PTPN14: variants seen among roughly 807,000 people sequenced by gnomAD.
PTPN14 encodes the protein protein tyrosine phosphatase non-receptor type 14.
A neutral mutation model predicts 126.8 loss-of-function variants in PTPN14; 53 were observed. That is an observed-to-expected ratio of 0.42 (90% CI 0.34 to 0.53). PTPN14 has a LOEUF of 0.53. PTPN14 is among the 20% of genes least tolerant of loss of function. The pLI, the probability that PTPN14 is intolerant of heterozygous loss-of-function variation, is 0.08. For missense variants in PTPN14, 1,257 were observed against 1,552.9 expected (o/e 0.81, Z 3.20); for synonymous variants, 630 against 599.3 (o/e 1.05, Z -0.75).
intron 1 of PTPN14, among the ~76,000 whole-genome samples, chr1:214,491,631 CCT>C (rs1166491259): frequency 2.0e-5 from 3 of 152,176 alleles, no homozygotes; most frequent in Non-Finnish European, 4.4e-5. Context: ...CTCACCTCCT[CCT>C]GTGATGCCAG....
At chr1:214,476,623 G>T (rs1300583442) in intron 1 of PTPN14, among the ~76,000 whole-genome samples, 1 of 152,158 alleles carries the variant, frequency 6.6e-6, no homozygotes, top group Admixed American at 6.5e-5. Flanking sequence ...TGAGCATCCA[G>T]CACTGAGCTT....
At chr1:214,502,315 A>G (rs1481687949) in intron 1 of PTPN14, among the ~76,000 whole-genome samples, 1 of 152,144 alleles carries the variant, frequency 6.6e-6, no homozygotes, top group Non-Finnish European at 1.5e-5. Context: ...CCTGAGATTA[A>G]CAGAGAGAGA....
rs1198526875 is a variant in PTPN14, at chr1:214,369,568, T to A, written c.3160A>T (p.Thr1054Ser). 1 of 1,614,172 alleles carries A rather than the reference T, an allele frequency of 6.2e-7. No individual in the cohort carries two copies. Among genetic ancestry groups the A allele is most frequent in the Admixed American group, 1.7e-5 (1 of 60,026 alleles). ...AAAAGGTGCTTGACCTTCAAGCCCG[T>A]GGTTGCATAGCAAACAGAATCCGTT... ...FRTDSVCYAT[T>S]GLKVKHLLSG... is the part of the protein sequence containing the mutation. The change falls in exon 17 of 19, where the codon ACG becomes TCG. Residue 1054 changes from threonine (T) to serine (S), a missense_variant. Physicochemically the swap from Thr to Ser is moderately conservative, Grantham distance 58 (BLOSUM62 1). Around this residue, in one of 3 missense-constraint regions of PTPN14, gnomAD observed 171 missense variants for 229.8 expected, o/e 0.74. Transcript: ENST00000366956.
chr1:214,484,146 G>A (rs1158080364), intron 1 of PTPN14, among the ~76,000 whole-genome samples: 1 of 152,226 alleles, frequency 6.6e-6, no homozygotes, highest in Admixed American at 6.5e-5. Context: ...GCTCATGCCT[G>A]TAATCCCAGC....
chr1:214,423,602 G>A (rs892363119), intron 3 of PTPN14, among the ~76,000 whole-genome samples: 1 of 152,128 alleles, frequency 6.6e-6, no homozygotes, highest in Non-Finnish European at 1.5e-5. Flanking sequence ...CTAGGCTTTC[G>A]TGCTTCATCA....
At chr1:214,500,279 G>A (rs569924918) in intron 1 of PTPN14, among the ~76,000 whole-genome samples, 7 of 152,138 alleles carry the variant, frequency 4.6e-5, no homozygotes, top group Non-Finnish European at 8.8e-5. Context: ...TGGGACAAAG[G>A]CAGACTCTGG....
chr1:214,508,120 G>A (rs1236608123), intron 1 of PTPN14, among the ~76,000 whole-genome samples: 3 of 152,010 alleles, frequency 2.0e-5, no homozygotes, highest in Non-Finnish European at 4.4e-5. Flanking sequence ...CATGGTGGCT[G>A]CTGGAAGTTG....
chr1:214,532,027 T>C (rs894363983), intron 1 of PTPN14: 2 of 158,864 alleles, frequency 1.3e-5, no homozygotes, highest in Admixed American at 6.1e-5. Context: ...TGATAATTAC[T>C]ATGATTTGAT....
Position 214,451,866 on chromosome 1 carries a change from G to A in PTPN14, c.283C>T (p.Leu95Phe), listed in dbSNP as rs1470847617. ...ACATAGAACATGACTCCAAAGAAAA[G>A]CAAAGGCTCATTAGCGAATTTGTCC... ...HLDKFANEPL[L>F]FFGVMFYVPN... Residue 95 changes from leucine (L) to phenylalanine (F), a missense_variant, in exon 3 of 19, where the codon CTT (leucine) becomes TTT (phenylalanine). Leu to Phe is a conservative substitution (Grantham distance 22, BLOSUM62 0). Around this residue, in one of 3 missense-constraint regions of PTPN14, gnomAD observed 1,021 missense variants for 1,183.3 expected, o/e 0.86. Coordinates refer to ENST00000366956, the MANE Select transcript of PTPN14 (RefSeq NM_005401.5). 1 of 1,614,192 alleles carries A rather than the reference G, an allele frequency of 6.2e-7. No homozygotes were observed. Among genetic ancestry groups the A allele is most frequent in the South Asian group, 1.1e-5 (1 of 91,088 alleles).
chr1:214,416,399 C>T (rs985656186), intron 3 of PTPN14, among the ~76,000 whole-genome samples: 2 of 152,130 alleles, frequency 1.3e-5, no homozygotes, highest in Non-Finnish European at 2.9e-5. Flanking sequence ...GGGAGTTGAC[C>T]AGTAACCAAT....
intron 2 of PTPN14, among the ~76,000 whole-genome samples, chr1:214,462,414 G>A (rs2102649158): frequency 6.6e-6 from 1 of 152,278 alleles, no homozygotes; most frequent in African/African-American, 2.4e-5. Context: ...GTGATTCAGA[G>A]GGATGCCTTC....
chr1:214,400,449 T>A (rs1658989339), intron 7 of PTPN14, among the ~76,000 whole-genome samples: 1 of 152,196 alleles, frequency 6.6e-6, no homozygotes, highest in Non-Finnish European at 1.5e-5. Context: ...TATAACCCTG[T>A]TGGTCCCACT....
intron 3 of PTPN14, among the ~76,000 whole-genome samples, chr1:214,433,112 C>A (rs186760324): frequency 1.3e-5 from 2 of 152,070 alleles, no homozygotes; most frequent in East Asian, 3.9e-4. Flanking sequence ...CCAGTGTTTG[C>A]CAGGATGGTC....
At chr1:214,490,599 G>A (rs191576809) in intron 1 of PTPN14, among the ~76,000 whole-genome samples, 2 of 151,884 alleles carry the variant, frequency 1.3e-5, no homozygotes, top group East Asian at 2.0e-4. Flanking sequence ...TACTTTGGGA[G>A]GCCAAGGCTG....
intron 1 of PTPN14, among the ~76,000 whole-genome samples, chr1:214,539,667 A>G (rs59706095): frequency 0.017 from 2,626 of 152,272 alleles, 59 homozygotes; most frequent in African/African-American, 0.057. Flanking sequence ...GGAAGGGAAG[A>G]AGGAGGAGGG....
chr1:214,373,636 C>T (rs934650490), intron 15 of PTPN14, among the ~76,000 whole-genome samples: 1 of 149,664 alleles, frequency 6.7e-6, no homozygotes, highest in Non-Finnish European at 1.5e-5. Context: ...ACTGATTTCA[C>T]ATTCTACCAC....
chr1:214,547,447 G>A (rs897493883), intron 1 of PTPN14, among the ~76,000 whole-genome samples: 6 of 152,082 alleles, frequency 3.9e-5, no homozygotes, highest in Admixed American at 3.9e-4. Context: ...ATTCCCTTCC[G>A]CTTTGAGGTT....
chr1:214,368,203 T>TATTTATTTATTTATTTA (rs1448470533), intron 17 of PTPN14, among the ~76,000 whole-genome samples: 4 of 150,150 alleles, frequency 2.7e-5, no homozygotes, highest in African/African-American at 1.0e-4. Flanking sequence ...CGTTTTTATT[T>TATTTATTTATTTATTTA]ATTTATTTAT....
At chr1:214,503,631 T>C (rs917632849) in intron 1 of PTPN14, among the ~76,000 whole-genome samples, 14 of 152,260 alleles carry the variant, frequency 9.2e-5, no homozygotes, top group African/African-American at 3.1e-4. Flanking sequence ...AGCACTGTCA[T>C]ATGTGGTCTT....
Sources: gnomAD v4.1 joint callset for allele counts (sites outside exome capture counted in the v4.1 genomes callset) on GRCh38, gnomAD v4.1.1 for gene constraint, gnomAD v4.1.1 regional missense constraint, MANE v1.5 for transcripts, NCBI Gene and HGNC (gene_info 2026-07-23, HGNC 2026-07-21) for gene names.